ASIC2: variants seen among roughly 807,000 people sequenced by gnomAD.
ASIC2 encodes the protein acid sensing ion channel subunit 2.
In ASIC2, 25 loss-of-function variants were observed where a neutral mutation model predicts 57.3. That is an observed-to-expected ratio of 0.44 (90% CI 0.32 to 0.61). The LOEUF (loss-of-function observed/expected upper bound fraction) is 0.61, where lower values mean the gene tolerates loss of function less well. Among genes scored for constraint, ASIC2 ranks in the 20% least tolerant of loss-of-function variants. ASIC2 has a pLI of 0.06. For synonymous variants in ASIC2, 319 were observed against 307.5 expected, an observed-to-expected ratio of 1.04 and a Z score of -0.39; for missense variants, 641 against 738.1, an observed-to-expected ratio of 0.87 and a Z score of 1.52.
chr17:33,413,085 G>T (rs1395892010), intron 1 of ASIC2, among the ~76,000 whole-genome samples: 4 of 152,154 alleles, frequency 2.6e-5, no homozygotes, highest in Non-Finnish European at 5.9e-5. Context: ...CTCCAGAGAT[G>T]GGGGCATAGG....
At chr17:34,143,447 G>A (rs867027653) in intron 1 of ASIC2, among the ~76,000 whole-genome samples, 33 of 152,226 alleles carry the variant, frequency 2.2e-4, no homozygotes, top group African/African-American at 7.0e-4. Context: ...TTTCTTGCTA[G>A]ACTGGGTTAC....
intron 1 of ASIC2, among the ~76,000 whole-genome samples, chr17:34,145,770 C>T (rs1449862918): frequency 6.6e-6 from 1 of 152,204 alleles, no homozygotes; most frequent in Non-Finnish European, 1.5e-5. Flanking sequence ...CCTCATCGCT[C>T]GTGGTTTCTG....
intron 1 of ASIC2, among the ~76,000 whole-genome samples, chr17:33,609,836 A>C (rs1190809726): frequency 6.6e-6 from 1 of 152,036 alleles, no homozygotes; most frequent in African/African-American, 2.4e-5. Flanking sequence ...TAGGAAAAGC[A>C]AGAAGGATAA....
At chr17:33,150,430 C>A (rs546219171) in intron 1 of ASIC2, among the ~76,000 whole-genome samples, 1 of 152,316 alleles carries the variant, frequency 6.6e-6, no homozygotes, top group East Asian at 1.9e-4. Context: ...TGCTCAAATC[C>A]TCCTGGAAAG....
chr17:33,763,788 C>A (rs1040510751), intron 1 of ASIC2, among the ~76,000 whole-genome samples: 8 of 152,208 alleles, frequency 5.3e-5, no homozygotes, highest in Non-Finnish European at 1.2e-4. Context: ...TATGTAAAGT[C>A]ACTGAGATTT....
chr17:33,957,508 A>C (rs1322732460), intron 1 of ASIC2, among the ~76,000 whole-genome samples: 1 of 152,190 alleles, frequency 6.6e-6, no homozygotes, highest in East Asian at 1.9e-4. Context: ...AAGGAGTAAC[A>C]AAGGCATATC....
At chr17:33,153,380 AT>A (rs1268744332) in intron 1 of ASIC2, among the ~76,000 whole-genome samples, 1 of 152,206 alleles carries the variant, frequency 6.6e-6, no homozygotes, top group African/African-American at 2.4e-5. Flanking sequence ...TGGTTCCATG[AT>A]TTGGGGGCAA....
chr17:33,930,399 C>T (rs945389798), intron 1 of ASIC2, among the ~76,000 whole-genome samples: 15 of 152,160 alleles, frequency 9.9e-5, no homozygotes, highest in African/African-American at 2.4e-5. Context: ...CCATACTGTG[C>T]CACCCTTTCA....
chr17:33,032,811 G>A (rs73273995), intron 3 of ASIC2, among the ~76,000 whole-genome samples: 1,590 of 152,166 alleles, frequency 0.01, 34 homozygotes, highest in African/African-American at 0.037. Context: ...AGAAAGTTAC[G>A]TTTTATATTT....
At chr17:33,210,943 C>T (rs1294211669) in intron 1 of ASIC2, among the ~76,000 whole-genome samples, 1 of 152,128 alleles carries the variant, frequency 6.6e-6, no homozygotes, top group Non-Finnish European at 1.5e-5. Context: ...GGCTTTCAGT[C>T]TTTGACCAGG....
At chr17:33,704,892 A>G (rs527439934) in intron 1 of ASIC2, among the ~76,000 whole-genome samples, 1 of 152,394 alleles carries the variant, frequency 6.6e-6, no homozygotes, top group Non-Finnish European at 1.5e-5. Flanking sequence ...TATATTTGAG[A>G]GAAAATGACT....
intron 1 of ASIC2, among the ~76,000 whole-genome samples, chr17:33,119,141 G>T (rs570855569): frequency 6.6e-6 from 1 of 152,176 alleles, no homozygotes; most frequent in Non-Finnish European, 1.5e-5. Context: ...GCACACAGCT[G>T]GTCCTGCAAG....
intron 1 of ASIC2, among the ~76,000 whole-genome samples, chr17:34,030,077 G>T (rs1439394293): frequency 6.6e-6 from 1 of 152,178 alleles, no homozygotes; most frequent in Non-Finnish European, 1.5e-5. Context: ...CCTACTACTA[G>T]TGTCCATTTG....
chr17:33,888,609 G>A lies in ASIC2; in HGVS notation c.555+267369C>T, dbSNP rs1914886861. ...ATGTGATGCTGGCAGGGACCGGGGT[G>A]TGGTGAGACTGCTTTAGAAGAACCC... On this transcript the variant is annotated intron_variant, in intron 1 of 9. Coordinates refer to the ASIC2 transcript ENST00000359872. Among the ~76,000 whole-genome samples, 5 of 152,122 alleles carry A rather than the reference G, an allele frequency of 3.3e-5. No homozygotes were observed. The South Asian group carries it at 1.0e-3, about 32-fold the overall frequency.
At chr17:33,202,114 T>C (rs887425214) in intron 1 of ASIC2, among the ~76,000 whole-genome samples, 2 of 151,888 alleles carry the variant, frequency 1.3e-5, no homozygotes, top group African/African-American at 4.8e-5. Context: ...AATTATTTCC[T>C]GGGTAAAGCC....
In ASIC2 at chr17:33,088,404, C is replaced by A. The variant is rs184681235; in HGVS notation, c.987+459G>T. On this transcript the variant is annotated intron_variant, in intron 3 of 9. Transcript: ENST00000225823. ...CCAGCGCTATATCAAAGAGAGCAGG[C>A]AGGATCCCATGTAACAAGGGCTCGC... Among the ~76,000 whole-genome samples the A allele has an allele frequency of 1.1e-4, 16 of 152,262 alleles. No homozygotes were observed. The East Asian group carries it at 3.1e-3, about 29-fold the overall frequency.
At chr17:33,241,075 G>A (rs1908488551) in intron 1 of ASIC2, among the ~76,000 whole-genome samples, 1 of 152,168 alleles carries the variant, frequency 6.6e-6, no homozygotes, top group South Asian at 2.1e-4. Flanking sequence ...CTGAAGCCCA[G>A]GCAGCATGAA....
chr17:33,863,976 T>C (rs533951538), intron 1 of ASIC2, among the ~76,000 whole-genome samples: 5 of 151,930 alleles, frequency 3.3e-5, no homozygotes, highest in Non-Finnish European at 7.4e-5. Context: ...TGGTCTTGGC[T>C]CACTGCAACC....
chr17:33,696,175 C>A (rs1057381423), intron 1 of ASIC2, among the ~76,000 whole-genome samples: 1 of 152,158 alleles, frequency 6.6e-6, no homozygotes, highest in African/African-American at 2.4e-5. Context: ...TACAAGGAGG[C>A]ACATTTTCCT....
Sources: allele counts gnomAD v4.1 joint callset (sites outside exome capture counted in the v4.1 genomes callset), GRCh38; gene constraint gnomAD v4.1.1; transcripts MANE v1.5; gene names NCBI Gene and HGNC (gene_info 2026-07-23, HGNC 2026-07-21).